The following ANTKMT variants were observed in gnomAD, a reference collection of about 807,000 sequenced individuals.
ANTKMT encodes the protein adenine nucleotide translocase lysine methyltransferase.
A neutral mutation model predicts 20.7 loss-of-function variants in ANTKMT; 24 were observed. That is an observed-to-expected ratio of 1.16 (90% CI 0.84 to 1.63). The LOEUF is 1.63. Ranked by LOEUF, ANTKMT falls within the 40% of genes most tolerant of loss-of-function variation. ANTKMT has a pLI of 0.00. For synonymous variants in ANTKMT, 193 were observed against 161.2 expected (o/e 1.20, Z -1.49); for missense variants, 428 against 334.8 (o/e 1.28, Z -2.17).
At position 722,482 on chromosome 16, in the gene ANTKMT, G is replaced by C; in HGVS notation, c.633G>C (p.Ser211=). ...EGGQAGEAAS[S]RIPIQAAPGP... ...GGCAGGCTGGGGAGGCCGCCTCCTC[G>C]CGGATACCCATCCAGGCTGCCCCCG... Residue 211 remains serine, a synonymous_variant, in exon 5 of 5, where the codon TCG becomes TCC. Transcript: ENST00000569529. 1.2e-6 allele frequency: 2 copies of C among 1,612,376 alleles called. No homozygotes were observed. Among genetic ancestry groups the C allele is most frequent in the South Asian group, 1.1e-5 (1 of 90,982 alleles).
rs763369945 is a variant in ANTKMT, at chr16:721,391, G to A, written c.117G>A (p.Ala39=). 3.9e-6 allele frequency: 5 copies of A among 1,294,370 alleles called. No individual in the cohort carries two copies. Among genetic ancestry groups the A allele is most frequent in the Middle Eastern group, 2.9e-4 (1 of 3,412 alleles). The allele number at this position is 1,294,370 out of a possible 1,614,324, so 80.2% of individuals were successfully genotyped here. The change falls in exon 1 of 5, where the codon GCG becomes GCA. Residue 39 remains alanine, a synonymous_variant. Coordinates refer to ENST00000569529, the MANE Select transcript of ANTKMT (RefSeq NM_023933.3). ...GCTTGGCAGCCTACGCGGTGTGGGC[G>A]CTGCTGCTCCAGCCCGGCTTCCGGC... The part of the protein sequence containing the change: ...GSGLAAYAVW[A]LLLQPGFRRV...
At position 721,624 on chromosome 16, in the gene ANTKMT, G is replaced by A; in HGVS notation, c.189G>A (p.Arg63=). The A allele has an allele frequency of 6.5e-7, 1 of 1,545,698 alleles. No individual in the cohort carries two copies. The highest frequency in any genetic ancestry group is 8.7e-7 in the Non-Finnish European group (1 of 1,146,070). The change falls in exon 2 of 5, where the codon CGG becomes CGA. Residue 63 remains arginine, a synonymous_variant. Transcript: ENST00000569529. ...LQVPYVGASA[R]QVEHVLSLLR... ...TGCCCTACGTCGGCGCGAGCGCGCG[G>A]CAGGTGGAGCACGTGTTGTCGCTGC...
rs1401930123 is a variant in ANTKMT, at chr16:722,356, C to T, written c.507C>T (p.Ala169=). The change falls in exon 5 of 5, where the codon GCC becomes GCT. Residue 169 remains alanine (A), a synonymous_variant. Transcript: ENST00000569529. The part of the protein sequence containing the change: ...DKLRTELPAG[A]RVVSGRFPLP... ...TGCGGACAGAGCTGCCTGCTGGGGC[C>T]CGCGTGGTGTCTGGGCGCTTCCCAC... 1 of 1,606,784 alleles carries T rather than the reference C, an allele frequency of 6.2e-7. No homozygotes were observed. The highest frequency in any genetic ancestry group is 8.5e-7 in the Non-Finnish European group (1 of 1,177,364).
Position 721,956 on chromosome 16 carries a change from C to T in ANTKMT, c.408+15C>T. The T allele has an allele frequency of 6.4e-7, 1 of 1,563,622 alleles. No individual in the cohort carries two copies. Among genetic ancestry groups the T allele is most frequent in the Non-Finnish European group, 8.6e-7 (1 of 1,161,842 alleles). Reference sequence around the variant, plus strand: ...ATCTCTGGAAGGTAACCTGGGGATCCCTGGCCACCCGCTGACAGCCCAAGG... The same window carrying T: ...ATCTCTGGAAGGTAACCTGGGGATCTCTGGCCACCCGCTGACAGCCCAAGG... On this transcript the variant is annotated intron_variant, in intron 3 of 4. Transcript: ENST00000569529.
At chr16:722,247 A>G (rs1163158515) in intron 4 of ANTKMT, 62 bp from the exon 5 acceptor site, 5 of 1,585,536 alleles carry the variant, frequency 3.2e-6, no homozygotes, top group Non-Finnish European at 4.3e-6. Flanking sequence ...TAGGGGGGTG[A>G]GCGCGGCTGT....
intron 3 of ANTKMT, 45 bp from the exon 4 acceptor site, chr16:722,039 G>A (rs2040246600): frequency 6.4e-7 from 1 of 1,572,102 alleles, no homozygotes; most frequent in Non-Finnish European, 8.6e-7. Context: ...ATGACCCGGT[G>A]CCCACCAGGC....
At position 721,306 on chromosome 16, in the gene ANTKMT, C is replaced by A; in HGVS notation, c.32C>A (p.Thr11Lys). The A allele has an allele frequency of 7.4e-7, 1 of 1,344,940 alleles. No homozygotes were observed. 83.3% of individuals were successfully genotyped at this position (1,344,940 alleles called of 1,614,324 possible). Residue 11 changes from threonine (T) to lysine (K), a missense_variant, in exon 1 of 5, where the codon ACG becomes AAG. Physicochemically the swap from Thr to Lys is moderately conservative, Grantham distance 78. Transcript: ENST00000569529. ...CAGGACGACCCGGTCGAGGCGCTGA[C>A]GGAGCTGCGCGAGCGGCGGCTGGGC... MEQDDPVEALTELRERRLGAL... is the reference protein window; with the variant it reads MEQDDPVEALKELRERRLGAL...
intron 1 of ANTKMT, 78 bp from the exon 2 acceptor site, chr16:721,520 C>A: frequency 6.9e-7 from 1 of 1,452,274 alleles, no homozygotes; most frequent in South Asian, 1.4e-5. Context: ...GTGAGCTCCG[C>A]CCCGCCGTGT....
At position 721,872 on chromosome 16, in the gene ANTKMT, G is replaced by T; in HGVS notation, c.339G>T (p.Leu113=). Residue 113 remains leucine, a synonymous_variant, in exon 3 of 5, where the codon CTG becomes CTT. Transcript: ENST00000569529. ...AGCTGAACCCCTGGCTGGTGGCGCTGGCGCGGCTGCACGCCTGGAGGGCCG... is the reference window on the plus strand; with the variant it reads ...AGCTGAACCCCTGGCTGGTGGCGCTTGCGCGGCTGCACGCCTGGAGGGCCG... ...GYELNPWLVA[L]ARLHAWRAGC... The T allele has an allele frequency of 6.4e-7, 1 of 1,567,804 alleles. No homozygotes were observed. The highest frequency in any genetic ancestry group is 8.6e-7 in the Non-Finnish European group (1 of 1,164,236).
rs1281202690 is a variant in ANTKMT, at chr16:721,785, C to G, written c.268-16C>G. 6.5e-7 allele frequency: 1 copy of G among 1,537,022 alleles called. No individual in the cohort carries two copies. The highest frequency in any genetic ancestry group is 1.4e-5 in the African/African-American group (1 of 72,480). On this transcript the variant is annotated splice_polypyrimidine_tract_variant and intron_variant, in intron 2 of 4. Coordinates refer to ENST00000569529, the MANE Select transcript of ANTKMT (RefSeq NM_023933.3). Reference sequence around the variant, plus strand: ...CCCTGCCCACATCCTGGTTCCCACACTCTCGGTGCCCACAGGTGCTGGCGG... The same window carrying G: ...CCCTGCCCACATCCTGGTTCCCACAGTCTCGGTGCCCACAGGTGCTGGCGG...
chr16:721,810 G>T lies in ANTKMT; in HGVS notation c.277G>T (p.Ala93Ser), dbSNP rs1194012354. The T allele has an allele frequency of 2.6e-6, 4 of 1,548,464 alleles. No homozygotes were observed. In the East Asian group the frequency reaches 9.6e-5, roughly 37 times the overall value. ...CTCTCGGTGCCCACAGGTGCTGGCG[G>T]CCCACAGGTGCGGCCTCCGCCCGGC... ...GSGDGRIVLA[A>S]HRCGLRPAVG... The change falls in exon 3 of 5, where the codon GCC becomes TCC. Residue 93 changes from alanine (A) to serine (S), a missense_variant. Coordinates refer to ENST00000569529, the MANE Select transcript of ANTKMT (RefSeq NM_023933.3).
At chr16:721,495 C>G (rs1596587271) in intron 1 of ANTKMT, 59 bp downstream of exon 1, 1 of 1,418,192 alleles carries the variant, frequency 7.1e-7, no homozygotes, top group Admixed American at 3.1e-5. Flanking sequence ...GTCTCAAGGT[C>G]TGGGCGTGGC....
chr16:722,507 G>A lies in ANTKMT; in HGVS notation c.658G>A (p.Gly220Arg), dbSNP rs370792065. 12 of 1,612,306 alleles carry A rather than the reference G, an allele frequency of 7.4e-6. No homozygotes were observed. Among genetic ancestry groups the A allele is most frequent in the Non-Finnish European group, 1.0e-5 (12 of 1,179,902 alleles). Residue 220 changes from glycine (G) to arginine (R), a missense_variant, in exon 5 of 5, where the codon GGA becomes AGA. Gly to Arg is a moderately radical substitution (Grantham distance 125, BLOSUM62 -2). Transcript: ENST00000569529. ...SSRIPIQAAPGPSSAPIPGGL... is the reference protein window; with the variant it reads ...SSRIPIQAAPRPSSAPIPGGL... ...GCGGATACCCATCCAGGCTGCCCCC[G>A]GACCTAGTTCTGCCCCCATCCCGGG...
At chr16:722,237 T>C (rs755355403) in intron 4 of ANTKMT, 72 bp from the exon 5 acceptor site, 2 of 1,584,938 alleles carry the variant, frequency 1.3e-6, no homozygotes, top group Non-Finnish European at 1.7e-6. Context: ...GGCTTGGGGC[T>C]AGGGGGGTGA....
intron 3 of ANTKMT, 64 bp downstream of exon 3, chr16:722,005 G>T (rs1047029888): frequency 1.2e-5 from 18 of 1,550,040 alleles, no homozygotes; most frequent in Non-Finnish European, 1.4e-5. Context: ...TGCGAGGGCT[G>T]GGGGCCGGGA....
In ANTKMT at chr16:722,288, C is replaced by T. The variant is rs756711956; in HGVS notation, c.460-21C>T. 6.2e-6 allele frequency: 10 copies of T among 1,603,704 alleles called. No homozygotes were observed. In the East Asian group the frequency reaches 6.7e-5, roughly 11 times the overall value. The stretch of plus-strand genomic sequence containing the variant: ...ACCGGCCCCGCCCCCGCCCCCTCTA[C>T]TCTGCTGTTCTCTCCCTCAGCTCCC... On this transcript the variant is annotated intron_variant, in intron 4 of 4. Transcript: ENST00000569529.
chr16:721,349 G>T lies in ANTKMT; in HGVS notation c.75G>T (p.Gln25His). Residue 25 changes from glutamine (Q) to histidine (H), a missense_variant, in exon 1 of 5, where the codon CAG becomes CAT. Coordinates refer to ENST00000569529, the MANE Select transcript of ANTKMT (RefSeq NM_023933.3). ...ERRLGALELLQAAAGSGLAAY... is the reference protein window; with the variant it reads ...ERRLGALELLHAAAGSGLAAY... Reference sequence around the variant, plus strand: ...GGCTGGGCGCGCTGGAGCTGCTGCAGGCGGCGGCCGGCTCGGGCTTGGCAG... The same window carrying T: ...GGCTGGGCGCGCTGGAGCTGCTGCATGCGGCGGCCGGCTCGGGCTTGGCAG... 1.5e-6 allele frequency: 2 copies of T among 1,339,192 alleles called. No individual in the cohort carries two copies. The highest frequency in any genetic ancestry group is 1.9e-6 in the Non-Finnish European group (2 of 1,046,190). 83.0% of individuals were successfully genotyped at this position (1,339,192 alleles called of 1,614,324 possible).
At chr16:721,747 T>C (rs1339410351) in intron 2 of ANTKMT, 45 bp downstream of exon 2, 1 of 1,538,998 alleles carries the variant, frequency 6.5e-7, no homozygotes, top group Admixed American at 2.0e-5. Flanking sequence ...ACCGCCCACC[T>C]GCTGGCGGGC....
rs747397568 is a variant in ANTKMT, at chr16:721,854, C to T, written c.321C>T (p.Asn107=). ...GCCCGGCCGTGGGCTACGAGCTGAA[C>T]CCCTGGCTGGTGGCGCTGGCGCGGC... is the stretch of plus-strand genomic sequence containing the variant. ...GLRPAVGYEL[N]PWLVALARLH... is the part of the protein sequence containing the mutation. The change falls in exon 3 of 5, where the codon AAC becomes AAT. Residue 107 remains asparagine (N), a synonymous_variant. Transcript: ENST00000569529. 4.1e-5 allele frequency: 64 copies of T among 1,565,812 alleles called. No homozygotes were observed. Among genetic ancestry groups the T allele is most frequent in the South Asian group, 5.8e-5 (5 of 86,238 alleles).
Sources: gnomAD v4.1 joint callset for allele counts on GRCh38, gnomAD v4.1.1 for gene constraint, MANE v1.5 for transcripts, NCBI Gene and HGNC (gene_info 2026-07-23, HGNC 2026-07-21) for gene names.